Variants in CNTNAP5 observed in about 807,000 individuals in gnomAD.
CNTNAP5 encodes contactin associated protein family member 5.
Under a neutral mutation model 150.2 loss-of-function variants are expected in CNTNAP5, and 72 were observed. The ratio of observed to expected loss-of-function variants is 0.48; its 90% confidence interval spans 0.40 to 0.58. The LOEUF is 0.58. CNTNAP5 is among the 20% of genes least tolerant of loss of function. The pLI is 0.00. For missense variants in CNTNAP5, 1,636 were observed against 1,626.2 expected, an observed-to-expected ratio of 1.01 and a Z score of -0.10; for synonymous variants, 672 against 619.8, an observed-to-expected ratio of 1.08 and a Z score of -1.25.
intron 1 of CNTNAP5, among the ~76,000 whole-genome samples, chr2:124,065,592 T>A (rs1682133253): frequency 6.6e-6 from 1 of 152,162 alleles, no homozygotes; most frequent in African/African-American, 2.4e-5. Flanking sequence ...GTTAAACAGT[T>A]GTACAAATCC....
intron 3 of CNTNAP5, among the ~76,000 whole-genome samples, chr2:124,416,992 C>A (rs1429635911): frequency 7.3e-6 from 1 of 137,842 alleles, no homozygotes; most frequent in Non-Finnish European, 1.5e-5. Context: ...GGCTGGAGTG[C>A]AGTGGTATGA....
At chr2:124,698,236 T>G (rs1475027526) in intron 13 of CNTNAP5, among the ~76,000 whole-genome samples, 5 of 152,036 alleles carry the variant, frequency 3.3e-5, no homozygotes, top group Non-Finnish European at 7.4e-5. Context: ...GTGAGAGAGA[T>G]AATCTGCATA....
chr2:124,649,854 C>T (rs1423307511), intron 13 of CNTNAP5, among the ~76,000 whole-genome samples: 1 of 152,150 alleles, frequency 6.6e-6, no homozygotes, highest in East Asian at 1.9e-4. Flanking sequence ...TACTGGTGTC[C>T]TTATTCGTAG....
In CNTNAP5 at chr2:124,025,510, A is replaced by T; in HGVS notation, c.-141A>T. 1 of 680,192 alleles carries T rather than the reference A, an allele frequency of 1.5e-6. No individual in the cohort carries two copies. Among genetic ancestry groups the T allele is most frequent in the South Asian group, 1.7e-5 (1 of 59,096 alleles). The allele number at this position is 680,192 out of a possible 1,614,324, so 42.1% of individuals were successfully genotyped here. Reference sequence around the variant, plus strand: ...TTTCGGTGGAGCGTCTGGGCACGGGATGGAGTGAAAGAGCGAGTGCCTCTC... The same window carrying T: ...TTTCGGTGGAGCGTCTGGGCACGGGTTGGAGTGAAAGAGCGAGTGCCTCTC... On this transcript the variant is annotated 5_prime_UTR_variant, in exon 1 of 24. It removes an upstream start codon present in the reference 5' UTR. Transcript: ENST00000682447.
chr2:124,877,196 C>T (rs749967366), intron 21 of CNTNAP5, among the ~76,000 whole-genome samples: 3 of 152,074 alleles, frequency 2.0e-5, no homozygotes, highest in Non-Finnish European at 4.4e-5. Context: ...GCAGTGCCAG[C>T]GTGCTCCATG....
At chr2:124,548,308 C>T (rs1325897355) in intron 10 of CNTNAP5, among the ~76,000 whole-genome samples, 1 of 152,096 alleles carries the variant, frequency 6.6e-6, no homozygotes, top group Non-Finnish European at 1.5e-5. Flanking sequence ...CAACCTGTGG[C>T]CACCAGCAGT....
intron 3 of CNTNAP5, among the ~76,000 whole-genome samples, chr2:124,356,768 C>CGT (rs1213055745): frequency 4.6e-5 from 7 of 151,732 alleles, no homozygotes; most frequent in African/African-American, 1.2e-4. Flanking sequence ...AATAAACATA[C>CGT]GTGTGCATGT....
chr2:124,513,102 A>G (rs1294110596), intron 8 of CNTNAP5, among the ~76,000 whole-genome samples: 1 of 152,208 alleles, frequency 6.6e-6, no homozygotes, highest in Non-Finnish European at 1.5e-5. Context: ...ATAAGAAAAT[A>G]TCACAGTCTA....
At chr2:124,664,856 T>G (rs1337547056) in intron 13 of CNTNAP5, among the ~76,000 whole-genome samples, 1 of 152,174 alleles carries the variant, frequency 6.6e-6, no homozygotes, top group Non-Finnish European at 1.5e-5. Context: ...CCACCTCATT[T>G]TTGTATTTTT....
At chr2:124,173,629 G>A (rs1049786079) in intron 1 of CNTNAP5, among the ~76,000 whole-genome samples, 3 of 152,186 alleles carry the variant, frequency 2.0e-5, no homozygotes, top group Non-Finnish European at 2.9e-5. Context: ...AGCTTCAGAA[G>A]AAATATCTGA....
At chr2:124,500,145 T>C (rs1694243357) in intron 7 of CNTNAP5, among the ~76,000 whole-genome samples, 1 of 152,154 alleles carries the variant, frequency 6.6e-6, no homozygotes, top group Admixed American at 6.6e-5. Context: ...GGGAGGGCAC[T>C]GTACTTTGCC....
chr2:124,166,606 G>A (rs1477076954), intron 1 of CNTNAP5, among the ~76,000 whole-genome samples: 2 of 152,076 alleles, frequency 1.3e-5, no homozygotes, highest in Non-Finnish European at 2.9e-5. Flanking sequence ...CTTAATGGTG[G>A]TGGCAGCTCT....
intron 1 of CNTNAP5, among the ~76,000 whole-genome samples, chr2:124,150,418 T>G (rs946955642): frequency 1.3e-5 from 2 of 152,184 alleles, no homozygotes; most frequent in African/African-American, 2.4e-5. Context: ...AGATATGGAT[T>G]ATGGGAACAG....
intron 19 of CNTNAP5, 23 bp downstream of exon 19, chr2:124,798,343 C>A (rs751083057): frequency 3.2e-6 from 5 of 1,553,348 alleles, no homozygotes; most frequent in African/African-American, 2.7e-5. Flanking sequence ...GCATGATACC[C>A]AGCGGAGTCT....
In CNTNAP5 at chr2:124,474,347, T is replaced by C. The variant is rs75821511; in HGVS notation, c.919-392T>C. The stretch of plus-strand genomic sequence containing the variant: ...TAGGCTTTTAAACTAGGTTCTTCTG[T>C]AGCTGAATAGAGGTATGTTTTGTTT... On this transcript the variant is annotated intron_variant, in intron 6 of 23. Transcript: ENST00000682447. 3.8e-3 allele frequency among the ~76,000 whole-genome samples: 585 copies of C among 152,220 alleles called. 5 individuals carry two copies. Among genetic ancestry groups the C allele is most frequent in the East Asian group, 0.035 (182 of 5,182 alleles).
chr2:124,593,290 A>G, intron 11 of CNTNAP5, among the ~76,000 whole-genome samples: 1 of 98,460 alleles, frequency 1.0e-5, no homozygotes, highest in African/African-American at 4.0e-5. Flanking sequence ...CCCCCCTCCC[A>G]CCTCCCCACC....
At chr2:124,873,396 A>C (rs750440781) in intron 21 of CNTNAP5, among the ~76,000 whole-genome samples, 38 of 152,246 alleles carry the variant, frequency 2.5e-4, no homozygotes, top group Non-Finnish European at 5.0e-4. Context: ...GTGAGGACAC[A>C]GATACAAACC....
At chr2:124,335,068 G>A (rs1000335795) in intron 3 of CNTNAP5, among the ~76,000 whole-genome samples, 7 of 151,946 alleles carry the variant, frequency 4.6e-5, no homozygotes, top group Non-Finnish European at 1.0e-4. Context: ...AGACTAAGAC[G>A]GCAAAAAGAT....
At chr2:124,522,395 C>G (rs1376636407) in intron 8 of CNTNAP5, among the ~76,000 whole-genome samples, 1 of 152,168 alleles carries the variant, frequency 6.6e-6, no homozygotes, top group Non-Finnish European at 1.5e-5. Flanking sequence ...ACTCTGCAAG[C>G]AGTAGGACCT....
Sources: allele counts gnomAD v4.1 joint callset (sites outside exome capture counted in the v4.1 genomes callset), GRCh38; gene constraint gnomAD v4.1.1; transcripts MANE v1.5; gene names NCBI Gene and HGNC (gene_info 2026-07-23, HGNC 2026-07-21).